SLC35D4: variants seen among roughly 807,000 people sequenced by gnomAD.
SLC35D4 encodes the protein UDP-N-acetylglucosamine transporter SLC35D4.
chr18:23,269,627 G>A, the SLC35D4 span, among the ~76,000 whole-genome samples: 3 of 152,230 alleles, frequency 2.0e-5, no homozygotes, highest in African/African-American at 7.2e-5. Context: ...AAGACAGGAA[G>A]ATGTGGGAAT....
At chr18:23,325,998 C>T in the SLC35D4 span, among the ~76,000 whole-genome samples, 1 of 152,214 alleles carries the variant, frequency 6.6e-6, no homozygotes, top group African/African-American at 2.4e-5. Context: ...AATCCCCTTG[C>T]AGCACCCCTT....
At chr18:23,273,746 C>T in the SLC35D4 span, among the ~76,000 whole-genome samples, 2 of 152,144 alleles carry the variant, frequency 1.3e-5, no homozygotes, top group African/African-American at 4.8e-5. Context: ...CACCGCAAGT[C>T]TCCTGCCACC....
chr18:23,428,069 A>C, the SLC35D4 span, among the ~76,000 whole-genome samples: 1 of 152,154 alleles, frequency 6.6e-6, no homozygotes, highest in Non-Finnish European at 1.5e-5. Flanking sequence ...ACCTAATGTA[A>C]ATGACGAGTT....
the SLC35D4 span, among the ~76,000 whole-genome samples, chr18:23,360,601 A>G: frequency 6.6e-5 from 10 of 152,202 alleles, no homozygotes; most frequent in Non-Finnish European, 8.8e-5. Context: ...AGATCCATAG[A>G]GGTCTCATGG....
the SLC35D4 span, among the ~76,000 whole-genome samples, chr18:23,278,007 TG>T: frequency 6.6e-6 from 1 of 152,220 alleles, no homozygotes; most frequent in East Asian, 1.9e-4. Context: ...CTGTGTTTAT[TG>T]GCCAAAGCAA....
the SLC35D4 span, among the ~76,000 whole-genome samples, chr18:23,353,308 T>A: frequency 6.6e-6 from 1 of 152,154 alleles, no homozygotes; most frequent in African/African-American, 2.4e-5. Flanking sequence ...ACTGCCACAC[T>A]TCCATCTGAC....
the SLC35D4 span, among the ~76,000 whole-genome samples, chr18:23,418,383 A>ATTATTATTT: frequency 4.1e-5 from 6 of 146,412 alleles, no homozygotes; most frequent in Non-Finnish European, 5.9e-5. Flanking sequence ...TATTATTATT[A>ATTATTATTT]TTTTTTGAGA....
the SLC35D4 span, among the ~76,000 whole-genome samples, chr18:23,282,122 G>A: frequency 4.6e-5 from 7 of 152,202 alleles, no homozygotes; most frequent in South Asian, 1.2e-3. Flanking sequence ...GGGCCTCCGC[G>A]GCTCCCCGAG....
the SLC35D4 span, among the ~76,000 whole-genome samples, chr18:23,427,857 A>G: frequency 1.3e-5 from 2 of 152,210 alleles, no homozygotes; most frequent in African/African-American, 4.8e-5. Flanking sequence ...GGATGAGTTC[A>G]TGTCCTTTGT....
At chr18:23,407,220 T>A in the SLC35D4 span, among the ~76,000 whole-genome samples, 1 of 152,218 alleles carries the variant, frequency 6.6e-6, no homozygotes, top group Admixed American at 6.5e-5. Context: ...TCAGAAGGAT[T>A]CCGAGAAGAT....
chr18:23,265,557 A>C, the SLC35D4 span, among the ~76,000 whole-genome samples: 1 of 123,928 alleles, frequency 8.1e-6, no homozygotes, highest in South Asian at 2.4e-4. Context: ...CATGGCTCTC[A>C]AAAAAAAAAA....
At chr18:23,243,821 G>A in the SLC35D4 span, among the ~76,000 whole-genome samples, 4 of 148,488 alleles carry the variant, frequency 2.7e-5, no homozygotes, top group Non-Finnish European at 5.9e-5. Context: ...GCAGTGAGCC[G>A]AGATCACGCC....
At chr18:23,268,811 T>C in the SLC35D4 span, among the ~76,000 whole-genome samples, 1 of 152,030 alleles carries the variant, frequency 6.6e-6, no homozygotes, top group Non-Finnish European at 1.5e-5. Flanking sequence ...TGCGTGTGTG[T>C]GTGTGTGTGT....
chr18:23,311,749 T>C, the SLC35D4 span, among the ~76,000 whole-genome samples: 2 of 152,244 alleles, frequency 1.3e-5, no homozygotes, highest in Admixed American at 6.5e-5. Flanking sequence ...AATTCATTAA[T>C]ATTTAGCTGT....
the SLC35D4 span, among the ~76,000 whole-genome samples, chr18:23,404,562 A>G: frequency 1.3e-5 from 2 of 150,682 alleles, no homozygotes; most frequent in Non-Finnish European, 3.0e-5. Flanking sequence ...AGTCCCAGCT[A>G]CTCGGGAGGC....
the SLC35D4 span, among the ~76,000 whole-genome samples, chr18:23,305,377 G>C: frequency 6.6e-6 from 1 of 152,174 alleles, no homozygotes; most frequent in African/African-American, 2.4e-5. Flanking sequence ...TAAATCCTTG[G>C]TGTTTTTCAA....
the SLC35D4 span, among the ~76,000 whole-genome samples, chr18:23,312,597 A>G: frequency 2.6e-5 from 4 of 152,118 alleles, no homozygotes; most frequent in Admixed American, 2.6e-4. Context: ...GGACGGGCCC[A>G]TTTTTAATCT....
At chr18:23,375,147 A>C in the SLC35D4 span, among the ~76,000 whole-genome samples, 1 of 150,278 alleles carries the variant, frequency 6.7e-6, no homozygotes, top group Non-Finnish European at 1.5e-5. Flanking sequence ...TAAATAAATA[A>C]ATAATAATAA....
chr18:23,325,392 G>A, the SLC35D4 span, among the ~76,000 whole-genome samples: 587 of 152,146 alleles, frequency 3.9e-3, 6 homozygotes, highest in African/African-American at 0.013. Flanking sequence ...ACCAAGGAGA[G>A]AAAGGCAGAG....
Sources: gnomAD v4.1 joint callset for allele counts (sites outside exome capture counted in the v4.1 genomes callset) on GRCh38, gnomAD v4.1.1 for gene constraint, MANE v1.5 for transcripts, NCBI Gene and HGNC (gene_info 2026-07-23, HGNC 2026-07-21) for gene names.